Variants in TMCO4 observed in about 807,000 individuals in gnomAD.
TMCO4 encodes transmembrane and coiled-coil domains 4, also known as transmembrane and coiled-coil domain-containing protein 4.
Under a neutral mutation model 64.7 loss-of-function variants are expected in TMCO4, and 58 were observed. The observed-to-expected ratio is 0.90, with a 90% CI of 0.73 to 1.12. The LOEUF is 1.12. Ranked by LOEUF, TMCO4 falls within the 50% of genes most tolerant of loss-of-function variation. The pLI is 0.00. For missense variants in TMCO4, 780 were observed against 825.9 expected, an observed-to-expected ratio of 0.94 and a Z score of 0.68; for synonymous variants, 325 against 346.1, an observed-to-expected ratio of 0.94 and a Z score of 0.68.
chr1:19,737,661 G>A (rs958525975), intron 12 of TMCO4, among the ~76,000 whole-genome samples: 5 of 152,374 alleles, frequency 3.3e-5, no homozygotes, highest in Admixed American at 2.0e-4. Context: ...ACCTGCTGCT[G>A]GAATTGGCTT....
intron 13 of TMCO4, among the ~76,000 whole-genome samples, chr1:19,709,164 G>A (rs564497714): frequency 6.6e-6 from 1 of 152,104 alleles, no homozygotes; most frequent in Non-Finnish European, 1.5e-5. Context: ...AGCCTGTTTG[G>A]ACATATACCA....
At chr1:19,713,419 C>T (rs2095340807) in intron 13 of TMCO4, among the ~76,000 whole-genome samples, 2 of 152,122 alleles carry the variant, frequency 1.3e-5, no homozygotes, top group South Asian at 2.1e-4. Context: ...GTGGGGGAAA[C>T]ACTGGGAATG....
At position 19,700,813 on chromosome 1, in the gene TMCO4, G is replaced by T; in HGVS notation, c.1337C>A (p.Pro446His). 2 of 1,614,206 alleles carry T rather than the reference G, an allele frequency of 1.2e-6. No homozygotes were observed. The highest frequency in any genetic ancestry group is 1.7e-6 in the Non-Finnish European group (2 of 1,180,016). ...PVEGEAKHWE[P>H]FRKVVSGRII... ...CCTCCCGGACACCACCTTCCGGAAA[G>T]GCTCCCAATGCTTGGCTTCTCCCTC... The change falls in exon 14 of 16, where the codon CCT becomes CAT. Residue 446 changes from proline (P) to histidine (H), a missense_variant. Coordinates refer to ENST00000294543, the MANE Select transcript of TMCO4 (RefSeq NM_181719.7).
Position 19,682,902 on chromosome 1 carries a change from T to C in TMCO4, c.*138A>G, listed in dbSNP as rs768192693. 2.5e-5 allele frequency: 30 copies of C among 1,218,964 alleles called. No individual in the cohort carries two copies. The highest frequency in any genetic ancestry group is 3.2e-5 in the Non-Finnish European group (28 of 862,504). The allele number at this position is 1,218,964 out of a possible 1,614,324, so 75.5% of individuals were successfully genotyped here. On this transcript the variant is annotated 3_prime_UTR_variant, in exon 16 of 16. Coordinates refer to ENST00000294543, the MANE Select transcript of TMCO4 (RefSeq NM_181719.7). The stretch of plus-strand genomic sequence containing the variant: ...TCCCCTTCCTTCCATTTCCTTTCCC[T>C]TTCAGTTCCAATTCCTTCCATTTAG...
rs758312088 is a variant in TMCO4, at chr1:19,683,315, G to A, written c.1630C>T (p.Arg544Cys). ...GATGAGGCGGCAGCTGCTGCCTGGC[G>A]AGGCTCCTCGGAGGGCAGGCAGCCT... ...APGCLPSEEP[R>C]QAAAAASSGE... The change falls in exon 16 of 16, where the codon CGC (arginine) becomes TGC (cysteine). Residue 544 changes from arginine (R) to cysteine (C), a missense_variant. Arg to Cys is a radical substitution (Grantham distance 180). Transcript: ENST00000294543. The A allele has an allele frequency of 2.0e-5, 33 of 1,613,862 alleles. No individual in the cohort carries two copies. Among genetic ancestry groups the A allele is most frequent in the Middle Eastern group, 3.3e-4 (2 of 6,076 alleles).
chr1:19,772,880 G>A (rs900857120), intron 4 of TMCO4, among the ~76,000 whole-genome samples: 1 of 152,176 alleles, frequency 6.6e-6, no homozygotes, highest in Non-Finnish European at 1.5e-5. Context: ...TGGGAGTTGT[G>A]AGGAACTTGG....
Position 19,727,733 on chromosome 1 carries a change from C to T in TMCO4, c.1264+9639G>A, listed in dbSNP as rs1181032349. On this transcript the variant is annotated intron_variant, in intron 13 of 15. Transcript: ENST00000294543. ...GGTATATACCCAAAGGAAGATAAAT[C>T]GTGTTAAAGATACATACATCTGTAT... Among the ~76,000 whole-genome samples, 4 of 152,274 alleles carry T rather than the reference C, an allele frequency of 2.6e-5. No individual in the cohort carries two copies. In the South Asian group the frequency reaches 8.3e-4, roughly 32 times the overall value.
In TMCO4 at chr1:19,700,155, G is replaced by A. The variant is rs147442269; in HGVS notation, c.1382+613C>T. 7.2e-5 allele frequency among the ~76,000 whole-genome samples: 11 copies of A among 152,174 alleles called. No individual in the cohort carries two copies. In the East Asian group the frequency reaches 1.9e-3, roughly 27 times the overall value. On this transcript the variant is annotated intron_variant, in intron 14 of 15. Transcript: ENST00000294543. ...GAGTCACAGCTTTGGCTGAAACCCCGCAGGTCCTCCTTCTCAAACCCCAAA... is the reference window on the plus strand; with the variant it reads ...GAGTCACAGCTTTGGCTGAAACCCCACAGGTCCTCCTTCTCAAACCCCAAA...
chr1:19,792,107 C>T (rs892450363), intron 2 of TMCO4, among the ~76,000 whole-genome samples: 4 of 152,148 alleles, frequency 2.6e-5, no homozygotes, highest in Admixed American at 2.0e-4. Flanking sequence ...CGGAACTATG[C>T]GTCCATTAAA....
rs1197157631 is a variant in TMCO4 at position 19,682,620 on chromosome 1, C to T, written c.*420G>A. 2.8e-6 allele frequency: 2 copies of T among 717,568 alleles called. No individual in the cohort carries two copies. Among genetic ancestry groups the T allele is most frequent in the Non-Finnish European group, 5.2e-6 (2 of 385,090 alleles). The allele number at this position is 717,568 out of a possible 1,614,324, so 44.5% of individuals were successfully genotyped here. On this transcript the variant is annotated 3_prime_UTR_variant, in exon 16 of 16. Coordinates refer to ENST00000294543, the MANE Select transcript of TMCO4 (RefSeq NM_181719.7). ...GAGTGTGGATGGAAGAACAGGCATG[C>T]ACCTGGTTTTATTGAGGCCAGGGGA...
At chr1:19,783,819 C>A (rs1160295776) in intron 3 of TMCO4, among the ~76,000 whole-genome samples, 1 of 152,196 alleles carries the variant, frequency 6.6e-6, no homozygotes, top group Non-Finnish European at 1.5e-5. Flanking sequence ...GAAACGGAGG[C>A]CCAGAGAGGT....
chr1:19,714,749 C>T (rs2095347549), intron 13 of TMCO4, among the ~76,000 whole-genome samples: 1 of 151,940 alleles, frequency 6.6e-6, no homozygotes, highest in Admixed American at 6.6e-5. Flanking sequence ...ATGGTGAAAC[C>T]CCGTCTCTAT....
intron 13 of TMCO4, among the ~76,000 whole-genome samples, chr1:19,716,903 C>T (rs181411223): frequency 3.3e-5 from 5 of 152,214 alleles, no homozygotes; most frequent in Admixed American, 3.3e-4. Context: ...AAGAGGAATC[C>T]AGGGCCGGGC....
At chr1:19,710,294 G>A (rs1406520026) in intron 13 of TMCO4, among the ~76,000 whole-genome samples, 7 of 140,306 alleles carry the variant, frequency 5.0e-5, no homozygotes, top group East Asian at 2.1e-4. Context: ...TGGATTTTTA[G>A]TAGAGATGGG....
rs141525099 is a variant in TMCO4, at chr1:19,721,830, C to T, written c.1264+15542G>A. Among the ~76,000 whole-genome samples, 808 of 152,158 alleles carry T rather than the reference C, an allele frequency of 5.3e-3. 4 individuals are homozygous for T. The highest frequency in any genetic ancestry group is 0.018 in the African/African-American group (760 of 41,492). On this transcript the variant is annotated intron_variant, in intron 13 of 15. Transcript: ENST00000294543. ...AACAAAACAAAACACAACACACACA[C>T]ACACACGTTTTGGAAAAGTCCAGGG...
At chr1:19,770,264 T>G (rs1364156435) in intron 6 of TMCO4, among the ~76,000 whole-genome samples, 2 of 152,126 alleles carry the variant, frequency 1.3e-5, no homozygotes, top group East Asian at 3.9e-4. Flanking sequence ...ACCAGGGGCC[T>G]GGGTGGAGAG....
intron 13 of TMCO4, among the ~76,000 whole-genome samples, chr1:19,720,263 A>G (rs2095376314): frequency 6.6e-6 from 1 of 152,134 alleles, no homozygotes. Context: ...TCGGCCTTCC[A>G]AAGTGCCGGG....
chr1:19,727,154 A>G (rs2095412346), intron 13 of TMCO4, among the ~76,000 whole-genome samples: 2 of 152,150 alleles, frequency 1.3e-5, no homozygotes, highest in Admixed American at 6.5e-5. Flanking sequence ...ATCTGCCTCT[A>G]TGTCCTGGTG....
rs775234797 is a variant in TMCO4 at position 19,694,565 on chromosome 1, G to C, written c.1383-14C>G. On this transcript the variant is annotated splice_polypyrimidine_tract_variant and intron_variant, in intron 14 of 15. Transcript: ENST00000294543. ...AGCCAGTCTCCCCTGTGGGAGGGTA[G>C]AGAAGCATGTGAACATTAGCACCAG... 1.9e-6 allele frequency: 3 copies of C among 1,612,474 alleles called. No homozygotes were observed. The highest frequency in any genetic ancestry group is 8.5e-7 in the Non-Finnish European group (1 of 1,178,688).
Sources: gnomAD v4.1 joint callset for allele counts (sites outside exome capture counted in the v4.1 genomes callset) on GRCh38, gnomAD v4.1.1 for gene constraint, MANE v1.5 for transcripts, NCBI Gene and HGNC (gene_info 2026-07-23, HGNC 2026-07-21) for gene names.